PDE10A: variants seen among roughly 807,000 people sequenced by gnomAD.
PDE10A encodes cAMP and cAMP-inhibited cGMP 3',5'-cyclic phosphodiesterase 10A.
In PDE10A, 39 loss-of-function variants were observed where a neutral mutation model predicts 97.7. That is an observed-to-expected ratio of 0.40 (90% CI 0.31 to 0.52). PDE10A has a LOEUF of 0.52. Among genes scored for constraint, PDE10A ranks in the 20% least tolerant of loss-of-function variants. The pLI, the probability that PDE10A is intolerant of heterozygous loss-of-function variation, is 0.56. For synonymous variants in PDE10A, 371 were observed against 376.8 expected (o/e 0.98, Z 0.18); for missense variants, 731 against 1,047.8 (o/e 0.70, Z 4.17).
At chr6:165,940,282 G>A (rs943646576) in intron 1 of PDE10A, 1 of 152,232 alleles carries the variant, frequency 6.6e-6, no homozygotes, top group African/African-American at 2.4e-5. Context: ...TTGCAGACAG[G>A]GTTGGCCCAA....
At chr6:165,372,715 T>C (rs1200127193) in intron 18 of PDE10A, among the ~76,000 whole-genome samples, 2 of 130,330 alleles carry the variant, frequency 1.5e-5, no homozygotes, top group East Asian at 2.2e-4. Context: ...CTTCACAGAA[T>C]TGGAAAAAAA....
intron 1 of PDE10A, among the ~76,000 whole-genome samples, chr6:165,980,669 A>G (rs908982489): frequency 6.6e-6 from 1 of 152,248 alleles, no homozygotes; most frequent in Non-Finnish European, 1.5e-5. Flanking sequence ...CATAAGAACC[A>G]GGGTCACGTA....
Position 165,662,039 on chromosome 6 carries a change from G to A in PDE10A, c.773C>T (p.Ala258Val). 5 of 1,480,732 alleles carry A rather than the reference G, an allele frequency of 3.4e-6. No individual in the cohort carries two copies. The highest frequency in any genetic ancestry group is 4.5e-6 in the Non-Finnish European group (5 of 1,109,026). 91.7% of individuals were successfully genotyped at this position (1,480,732 alleles called of 1,614,324 possible). The change falls in exon 1 of 22, where the codon GCG (alanine) becomes GTG (valine). Residue 258 changes from alanine (A) to valine (V), a missense_variant. Physicochemically the swap from Ala to Val is moderately conservative, Grantham distance 64 (BLOSUM62 0). Transcript: ENST00000539869. ...GTCGGAGCCGAAGAGCAGCGCGGCC[G>A]CGGCGGCGAGGGCGAAGCTGGCGCC... The part of the protein sequence containing the change: ...PQGASFALAA[A>V]AALLFGSDME...
At chr6:165,340,922 T>A (rs1304653857) in intron 19 of PDE10A, among the ~76,000 whole-genome samples, 1 of 152,236 alleles carries the variant, frequency 6.6e-6, no homozygotes. Flanking sequence ...CGAATTATTA[T>A]CATCCCTATC....
At chr6:165,951,858 G>T (rs531508299) in intron 1 of PDE10A, among the ~76,000 whole-genome samples, 1 of 152,148 alleles carries the variant, frequency 6.6e-6, no homozygotes, top group East Asian at 1.9e-4. Context: ...GCTTTTACTG[G>T]GGCCCTACAA....
At chr6:165,675,161 A>G (rs554744144) in intron 1 of PDE10A, among the ~76,000 whole-genome samples, 1 of 152,334 alleles carries the variant, frequency 6.6e-6, no homozygotes, top group Non-Finnish European at 1.5e-5. Context: ...TACATTTACA[A>G]TGTAACATTG....
At chr6:165,926,335 T>A (rs1212330695) in intron 1 of PDE10A, among the ~76,000 whole-genome samples, 1 of 152,228 alleles carries the variant, frequency 6.6e-6, no homozygotes. Context: ...ACAAACACCC[T>A]TTAGCCAATT....
chr6:165,955,071 T>G (rs1422686063), intron 1 of PDE10A, among the ~76,000 whole-genome samples: 1 of 152,070 alleles, frequency 6.6e-6, no homozygotes, highest in South Asian at 2.1e-4. Flanking sequence ...ATGGTCGCCG[T>G]TTCCGTGACA....
At chr6:165,625,968 T>C (rs1409572366) in intron 1 of PDE10A, among the ~76,000 whole-genome samples, 1 of 152,142 alleles carries the variant, frequency 6.6e-6, no homozygotes, top group East Asian at 1.9e-4. Flanking sequence ...GAGTTATCAG[T>C]TTATAGACAA....
At chr6:165,832,449 T>C (rs1022966063) in intron 1 of PDE10A, among the ~76,000 whole-genome samples, 37 of 152,290 alleles carry the variant, frequency 2.4e-4, no homozygotes, top group African/African-American at 8.9e-4. Flanking sequence ...TGTGTTTTTC[T>C]TTTACTTAGG....
At chr6:165,577,360 C>T (rs1785362336) in intron 1 of PDE10A, among the ~76,000 whole-genome samples, 2 of 152,152 alleles carry the variant, frequency 1.3e-5, no homozygotes, top group South Asian at 2.1e-4. Context: ...CCCAAAAGTC[C>T]ATGACCAGCC....
intron 17 of PDE10A, among the ~76,000 whole-genome samples, chr6:165,380,200 C>A (rs940209139): frequency 6.6e-6 from 1 of 152,144 alleles, no homozygotes; most frequent in South Asian, 2.1e-4. Flanking sequence ...AATTAAGATG[C>A]AGTCAATTTG....
intron 2 of PDE10A, among the ~76,000 whole-genome samples, chr6:165,527,491 G>A (rs1782516295): frequency 5.3e-5 from 8 of 152,160 alleles, no homozygotes; most frequent in Admixed American, 5.2e-4. Flanking sequence ...GGATTTTGGA[G>A]CAAGGCCCTG....
chr6:165,846,968 C>G (rs927172787), intron 1 of PDE10A, among the ~76,000 whole-genome samples: 5 of 152,154 alleles, frequency 3.3e-5, no homozygotes, highest in African/African-American at 1.2e-4. Flanking sequence ...TGGAAAATAC[C>G]GCGGCAGAAA....
At chr6:165,516,782 TTACA>T (rs1282281879) in intron 2 of PDE10A, among the ~76,000 whole-genome samples, 1 of 152,144 alleles carries the variant, frequency 6.6e-6, no homozygotes, top group Non-Finnish European at 1.5e-5. Context: ...TTACTTTAAA[TTACA>T]TACATAATTA....
At chr6:165,865,843 A>T (rs547630305) in intron 1 of PDE10A, among the ~76,000 whole-genome samples, 2 of 152,298 alleles carry the variant, frequency 1.3e-5, no homozygotes, top group East Asian at 3.9e-4. Context: ...GAGATGAGTA[A>T]AGTAATAGAA....
intron 1 of PDE10A, chr6:165,910,694 T>C (rs567444484): frequency 6.7e-6 from 1 of 148,706 alleles, no homozygotes; most frequent in South Asian, 2.1e-4. Flanking sequence ...ATAACTAAAC[T>C]GGAGTTAAAA....
intron 17 of PDE10A, 107 bp from the exon 18 acceptor site, chr6:165,379,473 A>T: frequency 3.6e-6 from 3 of 828,208 alleles, no homozygotes; most frequent in Non-Finnish European, 5.4e-6. Flanking sequence ...CATCTGGCAC[A>T]CTAATGAAAG....
intron 1 of PDE10A, among the ~76,000 whole-genome samples, chr6:165,873,674 A>G (rs1281663924): frequency 6.6e-6 from 1 of 152,214 alleles, no homozygotes; most frequent in African/African-American, 2.4e-5. Flanking sequence ...CTATCAAGGC[A>G]TATGTTTTTA....
Sources: allele counts gnomAD v4.1 joint callset (sites outside exome capture counted in the v4.1 genomes callset), GRCh38; gene constraint gnomAD v4.1.1; transcripts MANE v1.5; gene names NCBI Gene and HGNC (gene_info 2026-07-23, HGNC 2026-07-21).